Variants in INPP4B observed in about 807,000 individuals in gnomAD.
INPP4B encodes inositol polyphosphate 4-phosphatase type II.
A neutral mutation model predicts 122.5 loss-of-function variants in INPP4B; 55 were observed. That is an observed-to-expected ratio of 0.45 (90% CI 0.36 to 0.56). INPP4B has a LOEUF of 0.56. Among genes scored for constraint, INPP4B ranks in the 20% least tolerant of loss-of-function variants. INPP4B has a pLI of 0.00. For missense variants in INPP4B, 1,000 were observed against 1,097.7 expected (o/e 0.91, Z 1.26); for synonymous variants, 403 against 388.7 (o/e 1.04, Z -0.43).
chr4:142,422,918 G>A (rs1362805443), intron 5 of INPP4B, among the ~76,000 whole-genome samples: 1 of 152,132 alleles, frequency 6.6e-6, no homozygotes, highest in Non-Finnish European at 1.5e-5. Flanking sequence ...CACAGGCCTT[G>A]TTTAATTCTT....
intron 9 of INPP4B, among the ~76,000 whole-genome samples, chr4:142,299,586 A>G (rs1760471303): frequency 6.7e-6 from 1 of 148,702 alleles, no homozygotes; most frequent in Non-Finnish European, 1.5e-5. Flanking sequence ...CTTTTCCTCT[A>G]ATTTTTCCAT....
chr4:142,736,686 A>G (rs934981122), intron 1 of INPP4B, among the ~76,000 whole-genome samples: 2 of 152,160 alleles, frequency 1.3e-5, no homozygotes, highest in African/African-American at 4.8e-5. Flanking sequence ...TATCAGCTTA[A>G]GGTGATTTTG....
intron 25 of INPP4B, among the ~76,000 whole-genome samples, chr4:142,049,707 AAAG>A (rs1753453436): frequency 6.6e-6 from 1 of 151,994 alleles, no homozygotes; most frequent in African/African-American, 2.4e-5. Flanking sequence ...AGGAAGAAAA[AAAG>A]AATGAAGAAA....
intron 1 of INPP4B, among the ~76,000 whole-genome samples, chr4:142,756,711 A>G (rs896903623): frequency 4.6e-5 from 7 of 152,110 alleles, no homozygotes; most frequent in African/African-American, 1.7e-4. Flanking sequence ...TAAAGAACAG[A>G]CCTGAATTAA....
chr4:142,311,905 C>A (rs1444738581), intron 8 of INPP4B, among the ~76,000 whole-genome samples: 2 of 152,150 alleles, frequency 1.3e-5, no homozygotes, highest in Non-Finnish European at 2.9e-5. Context: ...GAAAGAAGGA[C>A]CAGGAAGATG....
chr4:142,740,041 T>C (rs1447537081), intron 1 of INPP4B, among the ~76,000 whole-genome samples: 3 of 152,088 alleles, frequency 2.0e-5, no homozygotes, highest in Non-Finnish European at 4.4e-5. Flanking sequence ...AAACATAGTA[T>C]ACAAATTTAG....
chr4:142,508,325 G>C (rs1824272986), intron 2 of INPP4B, among the ~76,000 whole-genome samples: 1 of 152,166 alleles, frequency 6.6e-6, no homozygotes, highest in Non-Finnish European at 1.5e-5. Flanking sequence ...TCCAAGGCTA[G>C]AGTGCAGTGG....
chr4:142,181,799 A>G (rs1830892811), intron 15 of INPP4B, among the ~76,000 whole-genome samples: 1 of 152,180 alleles, frequency 6.6e-6, no homozygotes. Flanking sequence ...GAAAACTGAT[A>G]AGGCTGGAGC....
chr4:142,478,683 A>G (rs980509788), intron 2 of INPP4B, among the ~76,000 whole-genome samples: 1 of 152,098 alleles, frequency 6.6e-6, no homozygotes, highest in Non-Finnish European at 1.5e-5. Context: ...GCTGGATTCA[A>G]TTTCTAGTAT....
chr4:142,036,784 G>T (rs1744246411), intron 25 of INPP4B, among the ~76,000 whole-genome samples: 1 of 152,134 alleles, frequency 6.6e-6, no homozygotes, highest in Non-Finnish European at 1.5e-5. Flanking sequence ...TATTCAGCTG[G>T]AATTTAAAGC....
At chr4:142,453,618 A>G (rs1227908628) in intron 3 of INPP4B, among the ~76,000 whole-genome samples, 1 of 152,148 alleles carries the variant, frequency 6.6e-6, no homozygotes, top group African/African-American at 2.4e-5. Flanking sequence ...TTATCTGCAA[A>G]GAATATAATA....
chr4:142,075,813 T>C (rs997666498), intron 25 of INPP4B, among the ~76,000 whole-genome samples: 3 of 151,980 alleles, frequency 2.0e-5, no homozygotes, highest in Non-Finnish European at 4.4e-5. Context: ...AACTGAGGCC[T>C]TGAGATTAAT....
chr4:142,471,133 C>T (rs1235691089), intron 2 of INPP4B, among the ~76,000 whole-genome samples: 6 of 152,130 alleles, frequency 3.9e-5, no homozygotes, highest in African/African-American at 1.4e-4. Context: ...GAAGAAGTTA[C>T]CTTTTTTAAG....
chr4:142,380,846 G>A (rs984617906), intron 7 of INPP4B, among the ~76,000 whole-genome samples: 4 of 151,830 alleles, frequency 2.6e-5, no homozygotes, highest in Non-Finnish European at 5.9e-5. Context: ...GTGGAATTAT[G>A]TTAAATACTA....
At chr4:142,241,883 C>T (rs2150030622) in intron 11 of INPP4B, among the ~76,000 whole-genome samples, 1 of 152,250 alleles carries the variant, frequency 6.6e-6, no homozygotes, top group East Asian at 1.9e-4. Flanking sequence ...GGAAGCTAAT[C>T]TGTGATTATC....
rs143578479 is a variant in INPP4B, at chr4:142,713,232, A to G, written c.-191+12607T>C. Among the ~76,000 whole-genome samples the G allele has an allele frequency of 2.5e-3, 386 of 152,330 alleles. 5 individuals are homozygous for G. The highest frequency in any genetic ancestry group is 0.018 in the East Asian group (95 of 5,184). On this transcript the variant is annotated intron_variant, in intron 2 of 25. Transcript: ENST00000262992. ...AATAATCTATAGAAGGAAGAGATTG[A>G]AAGTACAAGTTTATGGGATCAATTT...
At chr4:142,292,990 A>C (rs1269077681) in intron 9 of INPP4B, among the ~76,000 whole-genome samples, 1 of 151,944 alleles carries the variant, frequency 6.6e-6, no homozygotes, top group African/African-American at 2.4e-5. Flanking sequence ...CAATAAACTA[A>C]TCAGCCCAAG....
At chr4:142,212,075 G>A (rs1168501975) in intron 12 of INPP4B, among the ~76,000 whole-genome samples, 3 of 152,104 alleles carry the variant, frequency 2.0e-5, no homozygotes, top group Non-Finnish European at 4.4e-5. Context: ...TTTAGCCAAT[G>A]TAGAAAAGCA....
chr4:142,250,624 T>C (rs1332127350), intron 11 of INPP4B, among the ~76,000 whole-genome samples: 2 of 152,210 alleles, frequency 1.3e-5, no homozygotes, highest in East Asian at 1.9e-4. Flanking sequence ...CCTTTATATT[T>C]TGAACAGAAA....
Sources: gnomAD v4.1 joint callset for allele counts (sites outside exome capture counted in the v4.1 genomes callset) on GRCh38, gnomAD v4.1.1 for gene constraint, MANE v1.5 for transcripts, NCBI Gene and HGNC (gene_info 2026-07-23, HGNC 2026-07-21) for gene names.